The following GRAP2 variants were observed in gnomAD, a reference collection of about 807,000 sequenced individuals.
GRAP2 encodes the protein GRB2 related adaptor protein 2.
GRAP2 carries 31 observed loss-of-function variants against 43.5 expected under a neutral mutation model. The ratio of observed to expected loss-of-function variants is 0.71; its 90% CI spans 0.54 to 0.96. The LOEUF is 0.96. Ranked by LOEUF, GRAP2 falls within the 40% of genes least tolerant of loss-of-function variation. The probability of loss-of-function intolerance (pLI) is 0.00; values close to 1 mark genes in which losing one functional copy is unlikely to be tolerated. For missense variants in GRAP2, 371 were observed against 424.4 expected, an observed-to-expected ratio of 0.87 and a Z score of 1.11; for synonymous variants, 156 against 164.8, an observed-to-expected ratio of 0.95 and a Z score of 0.41.
At chr22:39,914,537 C>T (rs555403895) in intron 1 of GRAP2, among the ~76,000 whole-genome samples, 107 of 152,208 alleles carry the variant, frequency 7.0e-4, no homozygotes, top group Non-Finnish European at 1.3e-3. Context: ...AAAGGATTTA[C>T]TCAACTGAAT....
intron 4 of GRAP2, chr22:39,964,643 A>G: frequency 1.6e-6 from 1 of 619,442 alleles, no homozygotes; most frequent in South Asian, 2.0e-5. Flanking sequence ...CCCTCCTATA[A>G]TATCTTTTGC....
At chr22:39,964,863 T>A (rs868810549) in intron 4 of GRAP2, 9 of 280,318 alleles carry the variant, frequency 3.2e-5, no homozygotes, top group South Asian at 2.0e-4. Flanking sequence ...TACCCTAAAC[T>A]TTGTATCACC....
Position 39,956,156 on chromosome 22 carries a change from CT to C in GRAP2, c.170+263del, listed in dbSNP as rs546003024. On this transcript the variant is annotated intron_variant, in intron 3 of 7. Coordinates refer to ENST00000344138, the MANE Select transcript of GRAP2 (RefSeq NM_004810.4). ...TATTGCTATTTTAAGTTGTTCTTAA[CT>C]TTTTTTTTTTTTTTTTGGGAGTTGG... Among the ~76,000 whole-genome samples the C allele has an allele frequency of 5.8e-3, 801 of 137,956 alleles. 1 individual carries two copies. The highest frequency in any genetic ancestry group is 1.0e-2 in the African/African-American group (378 of 37,828). The allele number at this position is 137,956 out of a possible 152,430, so 90.5% of individuals were successfully genotyped here. A position where few individuals can be genotyped will look rare whatever the true frequency, so the allele number is the denominator to read the frequency against.
At chr22:39,968,018 C>T in intron 5 of GRAP2, 24 bp from the exon 6 acceptor site, 1 of 1,604,178 alleles carries the variant, frequency 6.2e-7, no homozygotes, top group Non-Finnish European at 8.5e-7. Flanking sequence ...GATGCATCTG[C>T]AGCATCTCTG....
At chr22:39,936,083 G>C (rs371804159) in intron 1 of GRAP2, among the ~76,000 whole-genome samples, 1 of 152,128 alleles carries the variant, frequency 6.6e-6, no homozygotes, top group African/African-American at 2.4e-5. Flanking sequence ...TATTCCAGGG[G>C]AAATCATGAT....
chr22:39,946,890 T>G (rs1283148796), intron 1 of GRAP2: 1 of 482,230 alleles, frequency 2.1e-6, no homozygotes, highest in Admixed American at 3.5e-5. Flanking sequence ...ATTCCGAGAA[T>G]GATCCCAGGA....
intron 2 of GRAP2, among the ~76,000 whole-genome samples, chr22:39,951,538 T>C (rs969947971): frequency 6.6e-6 from 1 of 152,176 alleles, no homozygotes; most frequent in African/African-American, 2.4e-5. Context: ...GCCCTTCTCT[T>C]CCCACGTCTA....
chr22:39,926,956 C>T (rs2066708264), intron 1 of GRAP2: 1 of 519,794 alleles, frequency 1.9e-6, no homozygotes, highest in Non-Finnish European at 2.5e-6. Context: ...CTGGATCCAG[C>T]CCAGTTTGTC....
intron 1 of GRAP2, among the ~76,000 whole-genome samples, chr22:39,939,561 C>CAAAAAA (rs386395434): frequency 3.4e-4 from 22 of 64,044 alleles, no homozygotes; most frequent in African/African-American, 7.3e-4. Context: ...GACTCCGTCT[C>CAAAAAA]AAAAAAAAAA....
intron 1 of GRAP2, among the ~76,000 whole-genome samples, chr22:39,941,428 C>T (rs150397280): frequency 6.0e-4 from 92 of 152,270 alleles, no homozygotes; most frequent in African/African-American, 2.1e-3. Flanking sequence ...TAAACTACAA[C>T]TTTTCCCCTT....
chr22:39,966,100 C>G lies in GRAP2; in HGVS notation c.401C>G (p.Thr134Arg). ...AATAAGCTGGTAGACTACTACAGGA[C>G]AAATTCCATCTCCAGACAGAAGCAG... ...SLNKLVDYYRTNSISRQKQIF... is the reference protein window; with the variant it reads ...SLNKLVDYYRRNSISRQKQIF... The change falls in exon 5 of 8, where the codon ACA (threonine) becomes AGA (arginine). Residue 134 changes from threonine (T) to arginine (R), a missense_variant. Coordinates refer to ENST00000344138, the MANE Select transcript of GRAP2 (RefSeq NM_004810.4). 6.2e-7 allele frequency: 1 copy of G among 1,613,940 alleles called. No homozygotes were observed. The highest frequency in any genetic ancestry group is 8.5e-7 in the Non-Finnish European group (1 of 1,179,784).
chr22:39,960,824 A>G (rs1282015900), intron 4 of GRAP2: 1 of 152,320 alleles, frequency 6.6e-6, no homozygotes, highest in African/African-American at 2.4e-5. Context: ...ACCCAGGGAA[A>G]GCCGTCTATT....
At chr22:39,963,548 G>C (rs2067140200) in intron 4 of GRAP2, among the ~76,000 whole-genome samples, 1 of 152,152 alleles carries the variant, frequency 6.6e-6, no homozygotes, top group Non-Finnish European at 1.5e-5. Context: ...CAAAACCAAG[G>C]GGAAGACCAC....
chr22:39,947,282 C>A (rs929543108), intron 2 of GRAP2, 98 bp downstream of exon 2: 29 of 768,706 alleles, frequency 3.8e-5, no homozygotes, highest in Non-Finnish European at 5.8e-5. Context: ...CATGTGGTTC[C>A]TTTTAAAAAG....
chr22:39,931,142 G>T (rs2066751345), intron 1 of GRAP2, among the ~76,000 whole-genome samples: 1 of 152,140 alleles, frequency 6.6e-6, no homozygotes, highest in African/African-American at 2.4e-5. Flanking sequence ...ACACAGAGTG[G>T]GGCACAGGAA....
At chr22:39,911,085 T>C (rs2066560700) in intron 1 of GRAP2, among the ~76,000 whole-genome samples, 1 of 152,120 alleles carries the variant, frequency 6.6e-6, no homozygotes, top group Non-Finnish European at 1.5e-5. Context: ...CGACAATGAG[T>C]TCGATGTCTG....
At chr22:39,962,429 GA>G (rs1727412366) in intron 4 of GRAP2, among the ~76,000 whole-genome samples, 2 of 151,408 alleles carry the variant, frequency 1.3e-5, no homozygotes, top group Middle Eastern at 3.4e-3. Flanking sequence ...TGTCTCAAGA[GA>G]AAAAAATTAT....
At chr22:39,941,780 A>G (rs1025579289) in intron 1 of GRAP2, among the ~76,000 whole-genome samples, 2 of 151,520 alleles carry the variant, frequency 1.3e-5, no homozygotes, top group Admixed American at 1.3e-4. Context: ...CAAAATATTT[A>G]CTCTCTGGCT....
intron 1 of GRAP2, among the ~76,000 whole-genome samples, chr22:39,941,730 C>T (rs898491499): frequency 1.6e-4 from 24 of 152,296 alleles, no homozygotes; most frequent in African/African-American, 5.1e-4. Context: ...TACAAAAACA[C>T]GGCGAGTCAT....
Sources: allele counts gnomAD v4.1 joint callset (sites outside exome capture counted in the v4.1 genomes callset), GRCh38; gene constraint gnomAD v4.1.1; transcripts MANE v1.5; gene names NCBI Gene and HGNC (gene_info 2026-07-23, HGNC 2026-07-21).